The following UBE2D3 variants were observed in gnomAD, a reference collection of about 807,000 sequenced individuals.
The protein encoded by UBE2D3 is ubiquitin conjugating enzyme E2 D3.
In UBE2D3, 2 loss-of-function variants were observed where a neutral mutation model predicts 22.8. The observed-to-expected ratio is 0.09, with a 90% confidence interval of 0.04 to 0.28. UBE2D3 has a LOEUF of 0.28. UBE2D3 is among the 10% of genes least tolerant of loss of function. The pLI is 1.00. For synonymous variants in UBE2D3, 56 were observed against 60.4 expected (o/e 0.93, Z 0.34); for missense variants, 27 against 182.5 (o/e 0.15, Z 4.91).
chr4:102,821,464 C>A (rs547744795), intron 2 of UBE2D3, among the ~76,000 whole-genome samples: 14 of 152,232 alleles, frequency 9.2e-5, no homozygotes, highest in African/African-American at 2.6e-4. Flanking sequence ...TAGAATACTA[C>A]GTCTAATGCA....
At chr4:102,798,302 A>G (rs1725557556) in intron 7 of UBE2D3, among the ~76,000 whole-genome samples, 1 of 147,250 alleles carries the variant, frequency 6.8e-6, no homozygotes, top group African/African-American at 2.5e-5. Context: ...ATATATGCAC[A>G]GGAGAATTTT....
At chr4:102,801,657 T>C in intron 5 of UBE2D3, 98 bp from the exon 6 acceptor site, 1 of 1,000,996 alleles carries the variant, frequency 1.0e-6, no homozygotes. Flanking sequence ...AAATGTCATC[T>C]ATTAGCATAG....
chr4:102,828,489 A>G (rs974551132), upstream of UBE2D3, among the ~76,000 whole-genome samples: 2 of 152,168 alleles, frequency 1.3e-5, no homozygotes, highest in African/African-American at 4.8e-5. Context: ...TGAGAACAGC[A>G]GGGAGCAGGC....
At chr4:102,826,942 C>A (rs1186267121) in intron 1 of UBE2D3, 2 of 1,006,466 alleles carry the variant, frequency 2.0e-6, no homozygotes, top group Non-Finnish European at 2.4e-6. Flanking sequence ...GAGCCGGGGC[C>A]TAGTCGGCGC....
intron 1 of UBE2D3, 155 bp from the exon 2 acceptor site, chr4:102,826,791 G>T: frequency 7.9e-7 from 1 of 1,266,764 alleles, no homozygotes; most frequent in African/African-American, 1.5e-5. Context: ...CGAAGTGGGG[G>T]CGAGGGTGAC....
chr4:102,806,816 C>G (rs79644621), intron 4 of UBE2D3, among the ~76,000 whole-genome samples: 1,602 of 152,166 alleles, frequency 0.011, 20 homozygotes, highest in African/African-American at 0.036. Flanking sequence ...GGAAACTAAC[C>G]TTAATACAGT....
In UBE2D3 at chr4:102,798,279, AATATAT is replaced by A. The variant is rs10526258; in HGVS notation, c.399-825_399-820del. On this transcript the variant is annotated intron_variant, in intron 7 of 7. Transcript: ENST00000453744. ...AAAACAGTGATAACCTTAAGAAATG[AATATAT>A]ATATATATATATGCACAGGAGAATT... Among the ~76,000 whole-genome samples the A allele has an allele frequency of 1.8e-4, 20 of 111,860 alleles. 1 individual carries two copies. The highest frequency in any genetic ancestry group is 5.6e-4 in the African/African-American group (14 of 24,914). The allele number at this position is 111,860 out of a possible 152,430, so 73.4% of individuals were successfully genotyped here.
intron 2 of UBE2D3, among the ~76,000 whole-genome samples, chr4:102,816,986 C>T (rs934956287): frequency 6.6e-6 from 1 of 152,184 alleles, no homozygotes; most frequent in African/African-American, 2.4e-5. Context: ...CTCTGAGAAT[C>T]CTGAAAAACC....
chr4:102,799,398 C>T lies in UBE2D3; in HGVS notation c.398+9G>A, dbSNP rs375012918. Reference sequence around the variant, plus strand: ...AACCACTTTTATAATAACTTTTTAACATACTTACTTATCTCTGTCTGTTTT... The same window carrying T: ...AACCACTTTTATAATAACTTTTTAATATACTTACTTATCTCTGTCTGTTTT... On this transcript the variant is annotated intron_variant, in intron 7 of 7. Transcript: ENST00000453744. The T allele has an allele frequency of 1.0e-5, 16 of 1,607,824 alleles. No homozygotes were observed. The African/African-American group carries it at 2.0e-4, about 20-fold the overall frequency.
chr4:102,802,477 C>A (rs551526208), intron 5 of UBE2D3, 84 bp downstream of exon 5: 416 of 1,184,940 alleles, frequency 3.5e-4, no homozygotes, highest in Non-Finnish European at 4.6e-4. Flanking sequence ...ACAGCCTACA[C>A]AGAACCCTAT....
In UBE2D3 at chr4:102,846,799, A is replaced by G. The variant is rs146592849; in HGVS notation, c.-128-20163T>C. On this transcript the variant is annotated intron_variant, in intron 1 of 7. Transcript: ENST00000338145. ...GGACTACAGGCGCAAACCACCATGC[A>G]TGGCTAATTAAATTTTTTTTTTTTT... Among the ~76,000 whole-genome samples the G allele has an allele frequency of 7.3e-5, 11 of 150,990 alleles. No homozygotes were observed. In the East Asian group the frequency reaches 2.1e-3, roughly 29 times the overall value.
upstream of UBE2D3, chr4:102,868,878 G>A (rs1478805848): frequency 2.0e-6 from 3 of 1,501,906 alleles, no homozygotes; most frequent in African/African-American, 2.8e-5. Flanking sequence ...CAGTTCCCGC[G>A]CCTCGGCAGT....
rs1488574248 is a variant in UBE2D3, at chr4:102,799,431, C to T, written c.374G>A (p.Arg125Gln). 11 of 1,611,726 alleles carry T rather than the reference C, an allele frequency of 6.8e-6. No homozygotes were observed. The highest frequency in any genetic ancestry group is 1.1e-5 in the South Asian group (1 of 90,958). Residue 125 changes from arginine to glutamine, a missense_variant, in exon 7 of 8, where the codon CGG becomes CAG. Transcript: ENST00000453744. ...PDDPLVPEIARIYKTDRDKYN... is the reference protein window; with the variant it reads ...PDDPLVPEIAQIYKTDRDKYN... ...CTTATCTCTGTCTGTTTTATAGATC[C>T]GTGCAATCTCTGGCACTAGGGGGTC...
chr4:102,801,920 AAGTT>A (rs1726213155), intron 5 of UBE2D3: 1 of 170,040 alleles, frequency 5.9e-6, no homozygotes, highest in Non-Finnish European at 1.3e-5. Context: ...AAGTTTCATT[AAGTT>A]ACACAGGTAC....
intron 2 of UBE2D3, among the ~76,000 whole-genome samples, chr4:102,820,782 CAGT>C (rs1356130087): frequency 6.6e-6 from 1 of 152,060 alleles, no homozygotes; most frequent in Non-Finnish European, 1.5e-5. Context: ...AACAGCTGCC[CAGT>C]AGTAGAAAAC....
At chr4:102,807,068 G>A (rs1727177543) in intron 4 of UBE2D3, among the ~76,000 whole-genome samples, 2 of 152,226 alleles carry the variant, frequency 1.3e-5, no homozygotes, top group South Asian at 4.1e-4. Flanking sequence ...AAAATTAGAT[G>A]GTATATTCCC....
At chr4:102,804,054 C>G (rs1242141136) in intron 4 of UBE2D3, among the ~76,000 whole-genome samples, 2 of 152,096 alleles carry the variant, frequency 1.3e-5, no homozygotes, top group Admixed American at 1.3e-4. Flanking sequence ...TAGGTGTGAG[C>G]TACTGTACCC....
chr4:102,860,230 AT>A (rs1057121681), intron 1 of UBE2D3, among the ~76,000 whole-genome samples: 15 of 151,968 alleles, frequency 9.9e-5, no homozygotes, highest in African/African-American at 3.6e-4. Flanking sequence ...GCTCACTGAG[AT>A]TCAAGGTGAG....
At chr4:102,827,984 G>A (rs1730854783), upstream of UBE2D3, 2 of 985,480 alleles carry the variant, frequency 2.0e-6, no homozygotes, top group Non-Finnish European at 2.4e-6. Flanking sequence ...CTTCGTGGCT[G>A]GCTAACCGAA....
Sources: gnomAD v4.1 joint callset for allele counts (sites outside exome capture counted in the v4.1 genomes callset) on GRCh38, gnomAD v4.1.1 for gene constraint, MANE v1.5 for transcripts, NCBI Gene and HGNC (gene_info 2026-07-23, HGNC 2026-07-21) for gene names.